Variants in ERVFRD-1 observed in about 807,000 individuals in gnomAD.
The protein encoded by ERVFRD-1 is syncytin-2.
Under a neutral mutation model 43.8 loss-of-function variants are expected in ERVFRD-1, and 33 were observed. The observed-to-expected ratio is 0.75, with a 90% CI of 0.57 to 1.01. The LOEUF (loss-of-function observed/expected upper bound fraction) is 1.01, where lower values mean the gene tolerates loss of function less well. ERVFRD-1 is among the 50% of genes least tolerant of loss of function. The pLI, the probability that ERVFRD-1 is intolerant of heterozygous loss-of-function variation, is 0.00. For missense variants in ERVFRD-1, 568 were observed against 658.4 expected (o/e 0.86, Z 1.50); for synonymous variants, 239 against 244.4 (o/e 0.98, Z 0.21).
chr6:11,107,360 G>C lies in ERVFRD-1; in HGVS notation c.-320-1730C>G, dbSNP rs187732084. Among the ~76,000 whole-genome samples the C allele has an allele frequency of 1.6e-3, 242 of 152,318 alleles. 1 individual carries two copies. Among genetic ancestry groups the C allele is most frequent in the African/African-American group, 5.4e-3 (223 of 41,574 alleles). On this transcript the variant is annotated intron_variant, in intron 1 of 1. Transcript: ENST00000472091. ...TATTCTCTGTCTGCAAGGAAGTTTG[G>C]TGTTTGGACTAGATGTTGGATTCCC...
rs1200298104 is a variant in ERVFRD-1, at chr6:11,104,849, G to C, written c.462C>G (p.Asn154Lys). The C allele has an allele frequency of 1.3e-5, 21 of 1,614,200 alleles. No individual in the cohort carries two copies. The highest frequency in any genetic ancestry group is 1.7e-5 in the Admixed American group (1 of 60,022). ...VCNVTFTVDS[N>K]QQTYQTYTHN... ...GGGTGTATGTTTGGTAAGTCTGTTG[G>C]TTAGAATCTACAGTGAAAGTAACAT... Residue 154 changes from asparagine (N) to lysine (K), a missense_variant, in exon 2 of 2, where the codon AAC becomes AAG. Asn to Lys is a moderately conservative substitution (Grantham distance 94, BLOSUM62 0). Transcript: ENST00000472091.
intron 1 of ERVFRD-1, among the ~76,000 whole-genome samples, chr6:11,107,689 G>C (rs1019834931): frequency 3.9e-5 from 6 of 152,244 alleles, no homozygotes; most frequent in Non-Finnish European, 8.8e-5. Context: ...TTACATATGA[G>C]TTGGGGATCA....
At chr6:11,110,842 C>T (rs1389352102) in intron 1 of ERVFRD-1, among the ~76,000 whole-genome samples, 1 of 152,158 alleles carries the variant, frequency 6.6e-6, no homozygotes, top group African/African-American at 2.4e-5. Flanking sequence ...GAGAATTTTC[C>T]TTCCCCACAA....
intron 1 of ERVFRD-1, among the ~76,000 whole-genome samples, chr6:11,106,733 T>C (rs28542236): frequency 0.22 from 32,905 of 152,154 alleles, 3,914 homozygotes; most frequent in African/African-American, 0.31. Context: ...GCTGTTTAGT[T>C]AGCTAACCTA....
At position 11,104,039 on chromosome 6, in the gene ERVFRD-1, C is replaced by A; in HGVS notation, c.1272G>T (p.Thr424=). 1 of 1,551,688 alleles carries A rather than the reference C, an allele frequency of 6.4e-7. No homozygotes were observed. The highest frequency in any genetic ancestry group is 8.7e-7 in the Non-Finnish European group (1 of 1,146,996). ...CCAAACAAATTCCTCCCTGTGCTGC[C>A]GTTAACATGTCTAGTCCTCGACGAT... ...LQNRRGLDML[T]AAQGGICLAL... Residue 424 remains threonine (T), a synonymous_variant, in exon 2 of 2, where the codon ACG becomes ACT. Transcript: ENST00000472091.
In ERVFRD-1 at chr6:11,105,465, G is replaced by T; in HGVS notation, c.-155C>A. ...ACTTTGAGGTGAAAGGATGTTGGTGGGGCATTACTTATCTTTTTGTTTAAA... is the reference window on the plus strand; with the variant it reads ...ACTTTGAGGTGAAAGGATGTTGGTGTGGCATTACTTATCTTTTTGTTTAAA... On this transcript the variant is annotated 5_prime_UTR_variant, in exon 2 of 2. Transcript: ENST00000472091. 1 of 608,716 alleles carries T rather than the reference G, an allele frequency of 1.6e-6. No homozygotes were observed. Among genetic ancestry groups the T allele is most frequent in the Non-Finnish European group, 2.9e-6 (1 of 340,878 alleles). The allele number at this position is 608,716 out of a possible 1,614,324, so 37.7% of individuals were successfully genotyped here.
At chr6:11,106,298 G>A (rs1758081998) in intron 1 of ERVFRD-1, among the ~76,000 whole-genome samples, 1 of 152,236 alleles carries the variant, frequency 6.6e-6, no homozygotes, top group African/African-American at 2.4e-5. Flanking sequence ...TGGTATGCAG[G>A]GAGCTGAGTG....
In ERVFRD-1 at chr6:11,104,230, G is replaced by A. The variant is rs1378018609; in HGVS notation, c.1081C>T (p.Leu361Phe). 5.2e-6 allele frequency: 8 copies of A among 1,551,570 alleles called. No homozygotes were observed. Among genetic ancestry groups the A allele is most frequent in the Non-Finnish European group, 7.0e-6 (8 of 1,146,994 alleles). Residue 361 changes from leucine to phenylalanine, a missense_variant, in exon 2 of 2, where the codon CTC becomes TTC. Leu to Phe is a conservative substitution (Grantham distance 22). Coordinates refer to ENST00000472091, the MANE Select transcript of ERVFRD-1 (RefSeq NM_207582.3). ...AIHFIPLLAG[L>F]GILAGTGTGI... is the part of the protein sequence containing the mutation. ...GTTCCCGTACCAGCTAGAATGCCGA[G>A]TCCCGCGAGAAGGGGAATGAAATGG...
In ERVFRD-1 at chr6:11,103,903, A is replaced by G. The variant is rs1378761971; in HGVS notation, c.1408T>C (p.Trp470Arg). 6.4e-7 allele frequency: 1 copy of G among 1,551,688 alleles called. No individual in the cohort carries two copies. The highest frequency in any genetic ancestry group is 2.4e-5 in the East Asian group (1 of 40,916). Residue 470 changes from tryptophan to arginine, a missense_variant, in exon 2 of 2, where the codon TGG becomes CGG. Physicochemically the swap from Trp to Arg is moderately radical, Grantham distance 101. Coordinates refer to ENST00000472091, the MANE Select transcript of ERVFRD-1 (RefSeq NM_207582.3). ...SSLRERATQG[W>R]LNWEGTWKWF... is the part of the protein sequence containing the mutation. Reference sequence around the variant, plus strand: ...TTCCAAGTTCCTTCCCAATTTAACCAACCCTGAGTGGCTCGTTCCCGTAAA... The same window carrying G: ...TTCCAAGTTCCTTCCCAATTTAACCGACCCTGAGTGGCTCGTTCCCGTAAA...
Position 11,103,834 on chromosome 6 carries a change from G to A in ERVFRD-1, c.1477C>T (p.Leu493Phe). 6.4e-7 allele frequency: 1 copy of A among 1,551,662 alleles called. No homozygotes were observed. The highest frequency in any genetic ancestry group is 1.2e-5 in the South Asian group (1 of 84,060). ...GGACCAAAAAGGAGCAAAAGTAGGA[G>A]ACTAACAAGTGGGCCTGTAAGGGGA... ...VLPLTGPLVS[L>F]LLLLLFGPCL... The change falls in exon 2 of 2, where the codon CTC becomes TTC. Residue 493 changes from leucine (L) to phenylalanine (F), a missense_variant. Leu to Phe is a conservative substitution (Grantham distance 22, BLOSUM62 0). Coordinates refer to ENST00000472091, the MANE Select transcript of ERVFRD-1 (RefSeq NM_207582.3).
In ERVFRD-1 at chr6:11,103,862, A is replaced by T. The variant is rs1185025303; in HGVS notation, c.1449T>A (p.Val483=). The change falls in exon 2 of 2, where the codon GTT becomes GTA. Residue 483 remains valine, a synonymous_variant. Coordinates refer to ENST00000472091, the MANE Select transcript of ERVFRD-1 (RefSeq NM_207582.3). ...WEGTWKWFSW[V]LPLTGPLVSL... is the part of the protein sequence containing the mutation. ...TAACAAGTGGGCCTGTAAGGGGAAG[A>T]ACCCAAGAGAACCATTTCCAAGTTC... 3.2e-6 allele frequency: 5 copies of T among 1,551,610 alleles called. No homozygotes were observed. The African/African-American group carries it at 6.8e-5, about 21-fold the overall frequency.
chr6:11,110,328 T>C (rs929630495), intron 1 of ERVFRD-1, among the ~76,000 whole-genome samples: 2 of 152,228 alleles, frequency 1.3e-5, no homozygotes, highest in African/African-American at 4.8e-5. Flanking sequence ...ATGGGTACTT[T>C]GGTCTCTTGC....
At chr6:11,108,432 G>A (rs1172399651) in intron 1 of ERVFRD-1, among the ~76,000 whole-genome samples, 1 of 152,214 alleles carries the variant, frequency 6.6e-6, no homozygotes, top group Non-Finnish European at 1.5e-5. Flanking sequence ...GATGTCCTGA[G>A]GGCCTTTCAG....
rs1404194115 is a variant in ERVFRD-1, at chr6:11,107,120, C to T, written c.-320-1490G>A. The stretch of plus-strand genomic sequence containing the variant: ...TGACAAAGCTATTCCCACCTGAAAA[C>T]CGTATGTCATGTGGATTATCTAGGA... On this transcript the variant is annotated intron_variant, in intron 1 of 1. Transcript: ENST00000472091. 2.6e-5 allele frequency among the ~76,000 whole-genome samples: 4 copies of T among 152,158 alleles called. No homozygotes were observed. In the East Asian group the frequency reaches 7.7e-4, roughly 29 times the overall value.
rs1341517660 is a variant in ERVFRD-1, at chr6:11,105,427, T to C, written c.-117A>G. On this transcript the variant is annotated 5_prime_UTR_variant, in exon 2 of 2. Coordinates refer to ENST00000472091, the MANE Select transcript of ERVFRD-1 (RefSeq NM_207582.3). ...GCAATTGCCAGTAAAATTTCTAGTA[T>C]TGGGATCACCTTACTTTGAGGTGAA... 1.6e-5 allele frequency: 12 copies of C among 730,132 alleles called. No homozygotes were observed. Among genetic ancestry groups the C allele is most frequent in the Non-Finnish European group, 2.7e-5 (12 of 442,924 alleles). 45.2% of individuals were successfully genotyped at this position (730,132 alleles called of 1,614,324 possible).
chr6:11,106,060 C>T (rs1485160057), intron 1 of ERVFRD-1, among the ~76,000 whole-genome samples: 1 of 152,170 alleles, frequency 6.6e-6, no homozygotes, highest in Non-Finnish European at 1.5e-5. Flanking sequence ...AGATTACAGT[C>T]TCCTGGCAGA....
At chr6:11,111,402 G>A (rs1377240785) in intron 1 of ERVFRD-1, among the ~76,000 whole-genome samples, 1 of 152,216 alleles carries the variant, frequency 6.6e-6, no homozygotes, top group African/African-American at 2.4e-5. Context: ...CTACATGGTT[G>A]TAGGTTTTAG....
Position 11,103,923 on chromosome 6 carries a change from C to A in ERVFRD-1, c.1388G>T (p.Arg463Leu). The change falls in exon 2 of 2, where the codon CGG becomes CTG. Residue 463 changes from arginine to leucine, a missense_variant. Arg to Leu is a moderately radical substitution (Grantham distance 102). Transcript: ENST00000472091. ...RQLLNQASSL[R>L]ERATQGWLNW... ...TAACCAACCCTGAGTGGCTCGTTCC[C>A]GTAAACTGGAGGCTTGATTTAGGAG... The A allele has an allele frequency of 6.4e-7, 1 of 1,551,648 alleles. No individual in the cohort carries two copies.
At position 11,104,355 on chromosome 6, in the gene ERVFRD-1, A is replaced by C; in HGVS notation, c.956T>G (p.Ile319Arg). ...LPSNWTGTCT[I>R]GYVTPDIFIA... ...GAAGATGTCTGGGGTTACATAGCCT[A>C]TGGTACAAGTTCCAGTCCAGTTACT... Residue 319 changes from isoleucine to arginine, a missense_variant, in exon 2 of 2, where the codon ATA becomes AGA. Ile to Arg is a moderately conservative substitution (Grantham distance 97). Coordinates refer to ENST00000472091, the MANE Select transcript of ERVFRD-1 (RefSeq NM_207582.3). The C allele has an allele frequency of 6.4e-7, 1 of 1,551,726 alleles. No homozygotes were observed. The highest frequency in any genetic ancestry group is 8.7e-7 in the Non-Finnish European group (1 of 1,146,996).
Sources: allele counts gnomAD v4.1 joint callset (sites outside exome capture counted in the v4.1 genomes callset), GRCh38; gene constraint gnomAD v4.1.1; transcripts MANE v1.5; gene names NCBI Gene and HGNC (gene_info 2026-07-23, HGNC 2026-07-21).